Variants in POTEI observed in about 807,000 individuals in gnomAD.
POTEI encodes the protein POTE ankyrin domain family member I.
Under a neutral mutation model 43.4 loss-of-function variants are expected in POTEI, and 14 were observed. The observed-to-expected ratio is 0.32, with a 90% confidence interval of 0.21 to 0.50. The LOEUF (loss-of-function observed/expected upper bound fraction) is 0.50, where lower values mean the gene tolerates loss of function less well. Among genes scored for constraint, POTEI ranks in the 20% least tolerant of loss-of-function variants. The pLI is 0.98. For synonymous variants in POTEI, 95 were observed against 297.9 expected, an observed-to-expected ratio of 0.32 and a Z score of 7.01; for missense variants, 235 against 795.4, an observed-to-expected ratio of 0.30 and a Z score of 8.47.
At chr2:130,479,952 G>C (rs1407621789) in intron 10 of POTEI, among the ~76,000 whole-genome samples, 2 of 35,440 alleles carry the variant, frequency 5.6e-5, no homozygotes, top group African/African-American at 2.0e-4. Context: ...CCAGTGCCTG[G>C]TTTGGGAATG....
In POTEI at chr2:130,462,477, G is replaced by T. The variant is rs1478238079; in HGVS notation, c.*339C>A. ...TCACCTCCCCTGTGTGAACTAGGGA[G>T]AGGACTGGGCCATTCTCCTTAGAGA... On this transcript the variant is annotated 3_prime_UTR_variant, in exon 15 of 15. Coordinates refer to ENST00000451531, the MANE Select transcript of POTEI (RefSeq NM_001277406.2). The T allele has an allele frequency of 3.3e-6, 1 of 307,320 alleles. No individual in the cohort carries two copies. Among genetic ancestry groups the T allele is most frequent in the Non-Finnish European group, 6.0e-6 (1 of 165,536 alleles). The allele number at this position is 307,320 out of a possible 1,614,324, so 19.0% of individuals were successfully genotyped here.
intron 1 of POTEI, among the ~76,000 whole-genome samples, chr2:130,507,424 ATATATATC>A (rs2105132541): frequency 5.9e-5 from 7 of 119,382 alleles, no homozygotes; most frequent in African/African-American, 2.1e-4. Context: ...ATGTATATAT[ATATATATC>A]TGCGTATATA....
intron 1 of POTEI, among the ~76,000 whole-genome samples, chr2:130,504,994 T>C (rs1333231079): frequency 7.3e-6 from 1 of 136,860 alleles, no homozygotes; most frequent in Non-Finnish European, 1.6e-5. Flanking sequence ...GTGTTGGTTG[T>C]ACAGATTATT....
intron 10 of POTEI, among the ~76,000 whole-genome samples, chr2:130,480,506 G>C (rs1472621273): frequency 1.3e-5 from 2 of 148,314 alleles, no homozygotes; most frequent in Non-Finnish European, 3.0e-5. Flanking sequence ...GTTCCTTCTG[G>C]CAAACACACA....
intron 13 of POTEI, among the ~76,000 whole-genome samples, chr2:130,468,654 T>G (rs2672129): frequency 0.031 from 3,900 of 126,946 alleles, 3 homozygotes; most frequent in Middle Eastern, 0.038. Flanking sequence ...CAACACCTGG[T>G]AATTACAATT....
At chr2:130,499,944 TC>T (rs1683994876) in intron 4 of POTEI, among the ~76,000 whole-genome samples, 1 of 122,384 alleles carries the variant, frequency 8.2e-6, no homozygotes, top group Non-Finnish European at 1.8e-5. Flanking sequence ...CTATCTTCAC[TC>T]CCTCTCTCCA....
intron 10 of POTEI, among the ~76,000 whole-genome samples, chr2:130,480,405 G>A (rs1683369877): frequency 6.6e-6 from 1 of 150,978 alleles, no homozygotes; most frequent in East Asian, 2.0e-4. Flanking sequence ...AATAGCAAAA[G>A]TGAACTGCTC....
intron 13 of POTEI, among the ~76,000 whole-genome samples, chr2:130,468,742 T>C (rs1332137813): frequency 4.5e-4 from 69 of 152,164 alleles, no homozygotes; most frequent in African/African-American, 1.5e-3. Flanking sequence ...TATCTAAATG[T>C]CATTATTTAT....
chr2:130,475,102 T>C (rs1051274540), intron 11 of POTEI, among the ~76,000 whole-genome samples, 151 bp from the exon 12 acceptor site: 1 of 139,658 alleles, frequency 7.2e-6, no homozygotes, highest in Non-Finnish European at 1.5e-5. Context: ...ACTGTTTAAA[T>C]AAATAATAAT....
At chr2:130,467,591 C>A (rs1682874181) in intron 13 of POTEI, among the ~76,000 whole-genome samples, 1 of 147,978 alleles carries the variant, frequency 6.8e-6, no homozygotes. Flanking sequence ...ACCCTAAAAG[C>A]AAATCCAACA....
In POTEI at chr2:130,464,037, G is replaced by C. The variant is rs200658580; in HGVS notation, c.2007C>G (p.Ser669Arg). Residue 669 changes from serine to arginine, a missense_variant, in exon 15 of 15, where the codon AGC becomes AGG. By Grantham distance (110) the Ser-to-Arg change is moderately radical. Transcript: ENST00000451531. ...RLELDTMKHQSQLRKKKYLED... is the reference protein window; with the variant it reads ...RLELDTMKHQRQLRKKKYLED... ...CCAAATATTTCTTTTTTCTTAGCTG[G>C]CTCTGATGTTTCATTGTGTCTAGCT... 1.3e-3 allele frequency: 1,309 copies of C among 974,866 alleles called. 316 individuals are homozygous for C. The African/African-American group carries it at 0.031, about 23-fold the overall frequency. 60.4% of individuals were successfully genotyped at this position (974,866 alleles called of 1,614,324 possible). A position where few individuals can be genotyped will look rare whatever the true frequency, so the allele number is the denominator to read the frequency against.
rs540188629 is a variant in POTEI, at chr2:130,502,102, G to T, written c.810+1344C>A. ...TGTTGTCGTCGTCGTTGTTGTTGTTGTTGTTGTTAGAGACAGGGTCTCATT... is the reference window on the plus strand; with the variant it reads ...TGTTGTCGTCGTCGTTGTTGTTGTTTTTGTTGTTAGAGACAGGGTCTCATT... On this transcript the variant is annotated intron_variant, in intron 3 of 14. Transcript: ENST00000451531. Among the ~76,000 whole-genome samples the T allele has an allele frequency of 1.2e-4, 6 of 48,874 alleles. 3 individuals are homozygous for T. The highest frequency in any genetic ancestry group is 3.3e-4 in the Non-Finnish European group (6 of 18,254). 32.1% of individuals were successfully genotyped at this position (48,874 alleles called of 152,430 possible).
At position 130,461,345 on chromosome 2, in the gene POTEI, G is replaced by C. The variant is rs1344723344; in HGVS notation, c.*1471C>G. The C allele has an allele frequency of 1.3e-5, 2 of 152,086 alleles. No homozygotes were observed. Among genetic ancestry groups the C allele is most frequent in the East Asian group, 3.9e-4 (2 of 5,164 alleles). The allele number at this position is 152,086 out of a possible 1,614,324, so 9.4% of individuals were successfully genotyped here. On this transcript the variant is annotated 3_prime_UTR_variant, in exon 15 of 15. Transcript: ENST00000451531. ...TCCTCCCCCTGGGAGCTCTGACTCAGGGAGGCCTGAGACCTCTGTCGGCCA... is the reference window on the plus strand; with the variant it reads ...TCCTCCCCCTGGGAGCTCTGACTCACGGAGGCCTGAGACCTCTGTCGGCCA...
At chr2:130,478,965 CA>C (rs919348855) in intron 10 of POTEI, among the ~76,000 whole-genome samples, 2 of 105,658 alleles carry the variant, frequency 1.9e-5, no homozygotes, top group Non-Finnish European at 3.8e-5. Context: ...TTCCATTAAA[CA>C]TGCATAGAAA....
At chr2:130,477,035 A>T (rs1043902726) in intron 10 of POTEI, among the ~76,000 whole-genome samples, 1 of 148,492 alleles carries the variant, frequency 6.7e-6, no homozygotes, top group Non-Finnish European at 1.5e-5. Flanking sequence ...CCACTTCCTA[A>T]TAGTACCTTA....
rs1684244968 is a variant in POTEI, at chr2:130,508,815, C to G, written c.421G>C (p.Asp141His). 1 of 1,517,870 alleles carries G rather than the reference C, an allele frequency of 6.6e-7. No individual in the cohort carries two copies. The highest frequency in any genetic ancestry group is 8.8e-7 in the Non-Finnish European group (1 of 1,138,304). The allele number at this position is 1,517,870 out of a possible 1,614,324, so 94.0% of individuals were successfully genotyped here. A position where few individuals can be genotyped will look rare whatever the true frequency, so the allele number is the denominator to read the frequency against. ...PRYHVRREDLDKLHRAAWWGK... is the reference protein window; with the variant it reads ...PRYHVRREDLHKLHRAAWWGK... ...CACCAGGCAGCTCTGTGGAGCTTGTCCAGATCTTCTCGACGGACGTGGTAT... is the reference window on the plus strand; with the variant it reads ...CACCAGGCAGCTCTGTGGAGCTTGTGCAGATCTTCTCGACGGACGTGGTAT... Residue 141 changes from aspartate (D) to histidine (H), a missense_variant, in exon 1 of 15, where the codon GAC becomes CAC. Transcript: ENST00000451531.
At chr2:130,479,193 T>C (rs1287556303) in intron 10 of POTEI, among the ~76,000 whole-genome samples, 2 of 147,700 alleles carry the variant, frequency 1.4e-5, no homozygotes, top group African/African-American at 2.6e-5. Flanking sequence ...ATATTCCCAC[T>C]GCCACTGGGA....
intron 9 of POTEI, among the ~76,000 whole-genome samples, chr2:130,482,397 T>A (rs964742391): frequency 2.0e-5 from 3 of 150,448 alleles, no homozygotes; most frequent in African/African-American, 7.5e-5. Context: ...TTGAACAAGC[T>A]GCTTCTCTTA....
chr2:130,507,441 TAA>T (rs1398710851), intron 1 of POTEI, among the ~76,000 whole-genome samples: 7 of 109,094 alleles, frequency 6.4e-5, no homozygotes, highest in Admixed American at 2.0e-4. Flanking sequence ...TCTGCGTATA[TAA>T]ATAGGCATTT....
Sources: gnomAD v4.1 joint callset for allele counts (sites outside exome capture counted in the v4.1 genomes callset) on GRCh38, gnomAD v4.1.1 for gene constraint, MANE v1.5 for transcripts, NCBI Gene and HGNC (gene_info 2026-07-23, HGNC 2026-07-21) for gene names.